LPP: variants seen among roughly 807,000 people sequenced by gnomAD.
The protein encoded by LPP is LIM domain containing preferred translocation partner in lipoma, also known as lipoma-preferred partner.
LPP carries 38 observed loss-of-function variants against 60.4 expected under a neutral mutation model. The observed-to-expected ratio is 0.63, with a 90% CI of 0.49 to 0.83. The LOEUF (loss-of-function observed/expected upper bound fraction) is 0.83, where lower values mean the gene tolerates loss of function less well. Ranked by LOEUF, LPP falls within the 40% of genes least tolerant of loss-of-function variation. The pLI, the probability that LPP is intolerant of heterozygous loss-of-function variation, is 0.00. For synonymous variants in LPP, 328 were observed against 290.8 expected (o/e 1.13, Z -1.30); for missense variants, 902 against 783.6 (o/e 1.15, Z -1.80).
At chr3:188,582,324 A>AT (rs1386752664) in intron 6 of LPP, among the ~76,000 whole-genome samples, 3 of 148,736 alleles carry the variant, frequency 2.0e-5, no homozygotes, top group Non-Finnish European at 3.0e-5. Flanking sequence ...TGCCTGGCTA[A>AT]TTTTTTTTTC....
In LPP at chr3:188,877,290, A is replaced by C. The variant is rs1011508499; in HGVS notation, c.*2811A>C. On this transcript the variant is annotated 3_prime_UTR_variant, in exon 12 of 12. Coordinates refer to ENST00000617246, the MANE Select transcript of LPP (RefSeq NM_001375462.1). ...ATACTGTCTGCTGATATAATATCAT[A>C]ATTGTTGTGGTTTAAATACATAAAT... 1.1e-5 allele frequency: 2 copies of C among 177,762 alleles called. No homozygotes were observed. Among genetic ancestry groups the C allele is most frequent in the Admixed American group, 6.3e-5 (1 of 15,856 alleles). The allele number at this position is 177,762 out of a possible 1,614,324, so 11.0% of individuals were successfully genotyped here.
intron 4 of LPP, among the ~76,000 whole-genome samples, chr3:188,418,255 C>T (rs1435920409): frequency 2.6e-5 from 4 of 151,968 alleles, no homozygotes; most frequent in Non-Finnish European, 4.4e-5. Flanking sequence ...TGGTAATGTA[C>T]GATAAACACT....
rs970828920 is a variant in LPP at position 188,887,247 on chromosome 3, G to A, written c.*12768G>A. On this transcript the variant is annotated 3_prime_UTR_variant, in exon 12 of 12. Coordinates refer to ENST00000617246, the MANE Select transcript of LPP (RefSeq NM_001375462.1). The stretch of plus-strand genomic sequence containing the variant: ...AAATGGGAAGAGCTAGCTTTTCTTA[G>A]ATACATTTCTTCCTTTTTTATTCTT... 1 of 220,464 alleles carries A rather than the reference G, an allele frequency of 4.5e-6. No individual in the cohort carries two copies. The highest frequency in any genetic ancestry group is 2.2e-5 in the African/African-American group (1 of 44,608). The allele number at this position is 220,464 out of a possible 1,614,324, so 13.7% of individuals were successfully genotyped here.
At chr3:188,303,785 G>A (rs1577972903) in intron 2 of LPP, among the ~76,000 whole-genome samples, 1 of 152,110 alleles carries the variant, frequency 6.6e-6, no homozygotes, top group Admixed American at 6.6e-5. Flanking sequence ...TACCCTCCCT[G>A]GAGATTCTGA....
intron 3 of LPP, among the ~76,000 whole-genome samples, chr3:188,344,201 A>G (rs1190635443): frequency 2.0e-5 from 3 of 152,204 alleles, no homozygotes; most frequent in Non-Finnish European, 4.4e-5. Flanking sequence ...ATAATACCCA[A>G]TTAAATCTCA....
At chr3:188,236,975 T>C (rs1403545506) in intron 2 of LPP, among the ~76,000 whole-genome samples, 5 of 152,230 alleles carry the variant, frequency 3.3e-5, no homozygotes. Flanking sequence ...TAATGCATAA[T>C]ATCATTTTAC....
At chr3:188,354,925 C>T (rs1321405089) in intron 3 of LPP, among the ~76,000 whole-genome samples, 1 of 152,126 alleles carries the variant, frequency 6.6e-6, no homozygotes. Flanking sequence ...TTCAGAATTT[C>T]GGATGTATGT....
intron 9 of LPP, among the ~76,000 whole-genome samples, chr3:188,855,705 G>T (rs149544426): frequency 1.5e-3 from 234 of 152,306 alleles, no homozygotes; most frequent in African/African-American, 5.5e-3. Context: ...AAAGAACCAT[G>T]CCCTATTGAA....
chr3:188,787,341 T>C (rs1244968515), intron 9 of LPP, among the ~76,000 whole-genome samples: 73 of 152,218 alleles, frequency 4.8e-4, no homozygotes, highest in Admixed American at 4.7e-3. Flanking sequence ...ATAAAATTCC[T>C]ACATTAACTG....
intron 3 of LPP, among the ~76,000 whole-genome samples, chr3:188,343,991 C>T (rs1056904929): frequency 4.7e-4 from 72 of 152,308 alleles, no homozygotes; most frequent in African/African-American, 1.6e-3. Flanking sequence ...GCGGTGTGTT[C>T]TCTGTCCCAT....
intron 4 of LPP, among the ~76,000 whole-genome samples, chr3:188,468,741 T>C (rs895333853): frequency 1.3e-5 from 2 of 152,148 alleles, no homozygotes; most frequent in African/African-American, 4.8e-5. Context: ...AAGGAGATCC[T>C]TGAATGCCAA....
At chr3:188,825,691 A>G (rs545858330) in intron 9 of LPP, among the ~76,000 whole-genome samples, 17 of 152,152 alleles carry the variant, frequency 1.1e-4, no homozygotes, top group Admixed American at 7.2e-4. Context: ...CTCCTTTGCA[A>G]ACCTTTACCA....
intron 2 of LPP, among the ~76,000 whole-genome samples, chr3:188,322,596 T>C (rs1757264321): frequency 1.3e-5 from 2 of 152,332 alleles, no homozygotes; most frequent in South Asian, 4.1e-4. Flanking sequence ...GCCTGAGTTT[T>C]AAGTAATATT....
intron 1 of LPP, among the ~76,000 whole-genome samples, chr3:188,210,823 C>T (rs903414228): frequency 7.0e-6 from 1 of 142,096 alleles, no homozygotes; most frequent in Non-Finnish European, 1.6e-5. Context: ...GGAAGGGACT[C>T]TGAGCTCCTG....
rs148545301 is a variant in LPP at position 188,341,381 on chromosome 3, A to G, written c.-66-282A>G. On this transcript the variant is annotated intron_variant, in intron 2 of 11. Transcript: ENST00000617246. Reference sequence around the variant, plus strand: ...CTACTTCTGTAAAATGTGGACAATAATATTCATTTTATATGGTTTCTGTAA... The same window carrying G: ...CTACTTCTGTAAAATGTGGACAATAGTATTCATTTTATATGGTTTCTGTAA... Among the ~76,000 whole-genome samples the G allele has an allele frequency of 2.5e-3, 379 of 152,322 alleles. 2 individuals carry two copies. The highest frequency in any genetic ancestry group is 8.3e-3 in the African/African-American group (346 of 41,574).
chr3:188,360,803 A>T (rs956628717), intron 3 of LPP, among the ~76,000 whole-genome samples: 1 of 152,198 alleles, frequency 6.6e-6, no homozygotes, highest in East Asian at 1.9e-4. Context: ...CCTGAATCAC[A>T]TCTTGCCATA....
chr3:188,536,165 C>T (rs1459511178), intron 6 of LPP, among the ~76,000 whole-genome samples: 31 of 152,066 alleles, frequency 2.0e-4, no homozygotes, highest in Non-Finnish European at 3.5e-4. Flanking sequence ...TGTGCCACCA[C>T]GCCTGGCTAA....
At chr3:188,156,390 C>A (rs1021128526) in intron 1 of LPP, among the ~76,000 whole-genome samples, 9 of 152,102 alleles carry the variant, frequency 5.9e-5, no homozygotes, top group African/African-American at 9.7e-5. Context: ...TATAAAGGGG[C>A]TTAAAAATGC....
intron 9 of LPP, among the ~76,000 whole-genome samples, chr3:188,799,901 C>T (rs1746499397): frequency 6.6e-6 from 1 of 152,142 alleles, no homozygotes; most frequent in Admixed American, 6.5e-5. Context: ...TTCAACTCCT[C>T]TCTCTAGAGG....
Sources: gnomAD v4.1 joint callset for allele counts (sites outside exome capture counted in the v4.1 genomes callset) on GRCh38, gnomAD v4.1.1 for gene constraint, MANE v1.5 for transcripts, NCBI Gene and HGNC (gene_info 2026-07-23, HGNC 2026-07-21) for gene names.